SERPINA11: variants seen among roughly 807,000 people sequenced by gnomAD.
SERPINA11 encodes the protein serpin A11.
Under a neutral mutation model 29.4 loss-of-function variants are expected in SERPINA11, and 28 were observed. That is an observed-to-expected ratio of 0.95 (90% CI 0.70 to 1.30). The LOEUF (loss-of-function observed/expected upper bound fraction) is 1.30. SERPINA11 is among the 50% of genes most tolerant of loss of function. The probability of loss-of-function intolerance (pLI) is 0.00; values close to 1 mark genes in which losing one functional copy is unlikely to be tolerated. For synonymous variants in SERPINA11, 253 were observed against 206.6 expected (o/e 1.22, Z -1.92); for missense variants, 530 against 507.3 (o/e 1.04, Z -0.43).
At chr14:94,452,332 C>A (rs1490176289) in intron 1 of SERPINA11, among the ~76,000 whole-genome samples, 1 of 152,130 alleles carries the variant, frequency 6.6e-6, no homozygotes, top group Admixed American at 6.5e-5. Flanking sequence ...GACTCAGATT[C>A]CAGACCAGAG....
At position 94,452,072 on chromosome 14, in the gene SERPINA11, G is replaced by A. The variant is rs536729851; in HGVS notation, c.-4+657C>T. On this transcript the variant is annotated intron_variant, in intron 1 of 4. Transcript: ENST00000334708. ...TTGGATCAGCTCAATGCCTGGTGGA[G>A]GGATGCTGCTGGAGTTTAGTTGGGG... is the stretch of plus-strand genomic sequence containing the variant. 3.5e-4 allele frequency among the ~76,000 whole-genome samples: 54 copies of A among 152,320 alleles called. No homozygotes were observed. The South Asian group carries it at 0.011, about 31-fold the overall frequency.
chr14:94,448,917 T>A (rs1434021316), intron 1 of SERPINA11, 140 bp from the exon 2 acceptor site: 1 of 693,184 alleles, frequency 1.4e-6, no homozygotes, highest in Non-Finnish European at 2.2e-6. Flanking sequence ...AGGCTGTGGA[T>A]GATTAGGATT....
chr14:94,446,958 A>C (rs946873140), intron 2 of SERPINA11, among the ~76,000 whole-genome samples: 1 of 152,234 alleles, frequency 6.6e-6, no homozygotes, highest in African/African-American at 2.4e-5. Flanking sequence ...GGGATGATCA[A>C]ACTGAGTCTT....
chr14:94,442,813 G>C lies in SERPINA11; in HGVS notation c.1066-4C>G, dbSNP rs1296843273. 7 of 1,593,114 alleles carry C rather than the reference G, an allele frequency of 4.4e-6. No individual in the cohort carries two copies. In the East Asian group the frequency reaches 1.1e-4, roughly 25 times the overall value. On this transcript the variant is annotated splice_region_variant and splice_polypyrimidine_tract_variant and intron_variant, in intron 4 of 4. Transcript: ENST00000334708. ...CCACCATCGCCTTGTGTGACACCTAGAGGACAAGAGGAGATGAAGACAGCA... is the reference window on the plus strand; with the variant it reads ...CCACCATCGCCTTGTGTGACACCTACAGGACAAGAGGAGATGAAGACAGCA...
chr14:94,446,468 A>G lies in SERPINA11; in HGVS notation c.780T>C (p.Ala260=). The change falls in exon 3 of 5, where the codon GCT becomes GCC. Residue 260 remains alanine (A), a synonymous_variant. Coordinates refer to ENST00000334708, the MANE Select transcript of SERPINA11 (RefSeq NM_001080451.2). Reference sequence around the variant, plus strand: ...TGTATTCTATCTGGAGGACGGTGCAAGCCAAATCCTGGTCATAGAGGAATC... The same window carrying G: ...TGTATTCTATCTGGAGGACGGTGCAGGCCAAATCCTGGTCATAGAGGAATC... ...MHRFLYDQDL[A]CTVLQIEYRG... The G allele has an allele frequency of 6.2e-7, 1 of 1,614,178 alleles. No homozygotes were observed. The highest frequency in any genetic ancestry group is 8.5e-7 in the Non-Finnish European group (1 of 1,180,010).
chr14:94,449,611 T>A (rs56026704), intron 1 of SERPINA11, among the ~76,000 whole-genome samples: 20,627 of 149,696 alleles, frequency 0.14, 1,789 homozygotes, highest in South Asian at 0.25. Flanking sequence ...TCCTTCCCTT[T>A]TCTTTCTTCT....
chr14:94,448,017 A>C, intron 2 of SERPINA11, 115 bp downstream of exon 2: 5 of 1,031,354 alleles, frequency 4.8e-6, no homozygotes, highest in Non-Finnish European at 7.2e-6. Flanking sequence ...GGAAAGCTCT[A>C]TCTTATTCAT....
chr14:94,448,505 C>G lies in SERPINA11; in HGVS notation c.270G>C (p.Gly90=). 6.2e-7 allele frequency: 1 copy of G among 1,614,120 alleles called. No individual in the cohort carries two copies. Among genetic ancestry groups the G allele is most frequent in the South Asian group, 1.1e-5 (1 of 91,076 alleles). ...TCAGAGCTGAGGTGTTAGCTTGGGC[C>G]CCAAGAGAGAGCAGGGCCAGGGTGG... ...ISTTLALLSL[G]AQANTSALIL... is the part of the protein sequence containing the mutation. The change falls in exon 2 of 5, where the codon GGG becomes GGC. Residue 90 remains glycine (G), a synonymous_variant. Coordinates refer to ENST00000334708, the MANE Select transcript of SERPINA11 (RefSeq NM_001080451.2).
intron 3 of SERPINA11, among the ~76,000 whole-genome samples, chr14:94,445,525 C>T (rs1566783050): frequency 1.3e-5 from 2 of 152,216 alleles, no homozygotes; most frequent in African/African-American, 4.8e-5. Flanking sequence ...ATTTTTTAAA[C>T]ATGTTTTAAT....
chr14:94,443,313 G>A, intron 3 of SERPINA11, 88 bp from the exon 4 acceptor site: 1 of 1,331,524 alleles, frequency 7.5e-7, no homozygotes, highest in Non-Finnish European at 1.0e-6. Flanking sequence ...AGCCATGGGA[G>A]AGAGGCATTT....
chr14:94,444,217 A>G lies in SERPINA11; in HGVS notation c.918-992T>C, dbSNP rs562235118. ...GGCAGGGGTCTGACAGAGAGCCCAA[A>G]ACACAGTGGATGTTTAACAACTGTG... On this transcript the variant is annotated intron_variant, in intron 3 of 4. Coordinates refer to ENST00000334708, the MANE Select transcript of SERPINA11 (RefSeq NM_001080451.2). 5.9e-5 allele frequency among the ~76,000 whole-genome samples: 9 copies of G among 152,300 alleles called. No individual in the cohort carries two copies. In the South Asian group the frequency reaches 1.9e-3, roughly 32 times the overall value.
intron 3 of SERPINA11, among the ~76,000 whole-genome samples, chr14:94,445,742 T>G (rs970784301): frequency 4.0e-5 from 3 of 74,812 alleles, no homozygotes; most frequent in Non-Finnish European, 1.3e-4. Context: ...CTATATATGT[T>G]TTTTTTTCAT....
intron 3 of SERPINA11, among the ~76,000 whole-genome samples, chr14:94,445,734 A>G (rs1385167379): frequency 7.3e-6 from 1 of 136,464 alleles, no homozygotes; most frequent in African/African-American, 2.5e-5. Context: ...ATGTCCAGCT[A>G]TATATGTTTT....
At position 94,446,427 on chromosome 14, in the gene SERPINA11, G is replaced by A. The variant is rs563316230; in HGVS notation, c.821C>T (p.Ala274Val). The A allele has an allele frequency of 2.5e-5, 41 of 1,614,122 alleles. 1 individual carries two copies. Among genetic ancestry groups the A allele is most frequent in the African/African-American group, 1.3e-4 (10 of 75,046 alleles). ...LQIEYRGNAL[A>V]LLVLPDPGKM... ...CCCCGGGTCAGGGAGGACCAGCAGC[G>A]CCAAGGCATTTCCTCTGTATTCTAT... Residue 274 changes from alanine (A) to valine (V), a missense_variant, in exon 3 of 5, where the codon GCG becomes GTG. By Grantham distance (64) the Ala-to-Val change is moderately conservative. Transcript: ENST00000334708.
intron 3 of SERPINA11, among the ~76,000 whole-genome samples, chr14:94,443,595 C>T (rs146262604): frequency 9.2e-5 from 14 of 152,324 alleles, no homozygotes; most frequent in African/African-American, 3.1e-4. Flanking sequence ...AACATCTTCC[C>T]ACTTCCGTAT....
chr14:94,443,855 C>T (rs779248807), intron 3 of SERPINA11, among the ~76,000 whole-genome samples: 1 of 152,210 alleles, frequency 6.6e-6, no homozygotes, highest in Non-Finnish European at 1.5e-5. Flanking sequence ...CATCTGATTG[C>T]CACATTTCCC....
chr14:94,442,526 C>G lies in SERPINA11; in HGVS notation c.*80G>C. ...CACACTGATTAACTGAACCACATAG[C>G]AGCCCCAGGATGCAGGCTGGTTCTG... On this transcript the variant is annotated 3_prime_UTR_variant, in exon 5 of 5. Coordinates refer to ENST00000334708, the MANE Select transcript of SERPINA11 (RefSeq NM_001080451.2). The G allele has an allele frequency of 6.0e-6, 6 of 1,006,238 alleles. No homozygotes were observed. Among genetic ancestry groups the G allele is most frequent in the Non-Finnish European group, 8.8e-6 (6 of 679,200 alleles). 62.3% of individuals were successfully genotyped at this position (1,006,238 alleles called of 1,614,324 possible). A position where few individuals can be genotyped will look rare whatever the true frequency, so the allele number is the denominator to read the frequency against.
rs111365707 is a variant in SERPINA11 at position 94,445,981 on chromosome 14, G to A, written c.917+350C>T. Among the ~76,000 whole-genome samples, 172 of 152,238 alleles carry A rather than the reference G, an allele frequency of 1.1e-3. 1 individual carries two copies. The highest frequency in any genetic ancestry group is 2.2e-3 in the Non-Finnish European group (150 of 68,012). The stretch of plus-strand genomic sequence containing the variant: ...TATGGGAGGGTGTGGTGGGGAGAGA[G>A]GAAAGCAAGAGGAAAGGAGATGGGG... On this transcript the variant is annotated intron_variant, in intron 3 of 4. Coordinates refer to ENST00000334708, the MANE Select transcript of SERPINA11 (RefSeq NM_001080451.2).
At chr14:94,443,285 C>T in intron 3 of SERPINA11, 60 bp from the exon 4 acceptor site, 2 of 1,547,356 alleles carry the variant, frequency 1.3e-6, no homozygotes, top group Non-Finnish European at 1.8e-6. Context: ...CACTCCTGCT[C>T]TGTCTGTCGG....
Sources: gnomAD v4.1 joint callset for allele counts (sites outside exome capture counted in the v4.1 genomes callset) on GRCh38, gnomAD v4.1.1 for gene constraint, MANE v1.5 for transcripts, NCBI Gene and HGNC (gene_info 2026-07-23, HGNC 2026-07-21) for gene names.